ANK2: variants seen among roughly 807,000 people sequenced by gnomAD.
ANK2 encodes the protein ankyrin 2.
Under a neutral mutation model 360.5 loss-of-function variants are expected in ANK2, and 83 were observed. That is an observed-to-expected ratio of 0.23 (90% CI 0.19 to 0.28). The LOEUF (loss-of-function observed/expected upper bound fraction) is 0.28. ANK2 is among the 10% of genes least tolerant of loss of function. The pLI, the probability that ANK2 is intolerant of heterozygous loss-of-function variation, is 1.00. For missense variants in ANK2, 4,201 were observed against 4,795.7 expected, an observed-to-expected ratio of 0.88 and a Z score of 3.66; for synonymous variants, 1,740 against 1,759.5, an observed-to-expected ratio of 0.99 and a Z score of 0.28.
At chr4:113,032,079 C>A (rs566490868) in intron 2 of ANK2, among the ~76,000 whole-genome samples, 1 of 152,014 alleles carries the variant, frequency 6.6e-6, no homozygotes, top group East Asian at 1.9e-4. Flanking sequence ...TTGACAGGAA[C>A]GCTAATGCTA....
intron 43 of ANK2, chr4:113,372,643 A>G: frequency 6.7e-7 from 1 of 1,494,768 alleles, no homozygotes. Flanking sequence ...CTGTTAAATT[A>G]CTGCACGTCA....
chr4:112,749,233 A>G, the ANK2 span, among the ~76,000 whole-genome samples: 2 of 152,190 alleles, frequency 1.3e-5, no homozygotes, highest in East Asian at 1.9e-4. Flanking sequence ...TTGATCAAGC[A>G]TGCATCCTTC....
chr4:113,030,066 G>A (rs1055112277), intron 2 of ANK2, among the ~76,000 whole-genome samples: 5 of 151,968 alleles, frequency 3.3e-5, no homozygotes, highest in African/African-American at 1.2e-4. Context: ...AAAATCTTGT[G>A]TACTATGTGA....
chr4:113,330,351 G>A lies in ANK2; in HGVS notation c.3006G>A (p.Thr1002=), dbSNP rs181534986. The change falls in exon 27 of 46, where the codon ACG becomes ACA. Residue 1002 remains threonine, a synonymous_variant. Transcript: ENST00000357077. Reference sequence around the variant, plus strand: ...CACCTCGGAAATGTACTGCTCCAACGCGAGTCACCTGCCGACTGGTCAAGC... The same window carrying A: ...CACCTCGGAAATGTACTGCTCCAACACGAGTCACCTGCCGACTGGTCAAGC... ...IIPPRKCTAP[T]RVTCRLVKRH... The A allele has an allele frequency of 6.8e-6, 11 of 1,614,214 alleles. No homozygotes were observed. Among genetic ancestry groups the A allele is most frequent in the African/African-American group, 1.3e-5 (1 of 75,052 alleles).
chr4:113,165,190 A>T (rs977541990), intron 1 of ANK2, among the ~76,000 whole-genome samples: 3 of 152,162 alleles, frequency 2.0e-5, no homozygotes, highest in Admixed American at 1.3e-4. Context: ...GAAAATTGGG[A>T]AAGAGATTGG....
At chr4:113,049,942 C>T in intron 1 of ANK2, 130 bp downstream of exon 1, 1 of 1,211,812 alleles carries the variant, frequency 8.3e-7, no homozygotes, top group South Asian at 1.3e-5. Flanking sequence ...CAGTGCCAAG[C>T]CTTGCTTTTT....
At chr4:113,045,951 A>G (rs988143756), upstream of ANK2, among the ~76,000 whole-genome samples, 6 of 152,210 alleles carry the variant, frequency 3.9e-5, no homozygotes, top group Admixed American at 2.6e-4. Flanking sequence ...CTAGTCCCCT[A>G]TTATATGCCA....
At position 113,236,955 on chromosome 4, in the gene ANK2, T is replaced by C. The variant is rs184546893; in HGVS notation, c.484-32T>C. The C allele has an allele frequency of 2.9e-4, 459 of 1,609,362 alleles. 2 individuals carry two copies. Among genetic ancestry groups the C allele is most frequent in the Admixed American group, 6.8e-4 (41 of 60,020 alleles). The stretch of plus-strand genomic sequence containing the variant: ...CTAAATCTCTAGCATCTGAAGATGT[T>C]AACAGACAATTTTTACCTTCCATTT... On this transcript the variant is annotated intron_variant, in intron 5 of 45. Transcript: ENST00000357077.
chr4:113,198,869 C>T, intron 3 of ANK2, 142 bp from the exon 4 acceptor site: 1 of 690,644 alleles, frequency 1.4e-6, no homozygotes, highest in South Asian at 1.8e-5. Flanking sequence ...AAAATAATCT[C>T]TTCGTAAGTG....
At chr4:112,832,242 A>G (rs1188491062) in intron 1 of ANK2, among the ~76,000 whole-genome samples, 2 of 152,192 alleles carry the variant, frequency 1.3e-5, no homozygotes, top group East Asian at 1.9e-4. Flanking sequence ...TAGTAGAGAC[A>G]GGGTTTCACC....
At chr4:113,062,932 A>T (rs1048268310) in intron 1 of ANK2, among the ~76,000 whole-genome samples, 10 of 152,086 alleles carry the variant, frequency 6.6e-5, no homozygotes, top group African/African-American at 2.2e-4. Context: ...TATCATGATG[A>T]CAAGGAATTA....
chr4:113,250,762 C>CCG lies in ANK2; in HGVS notation c.990+901_990+902insGC, dbSNP rs980441965. On this transcript the variant is annotated intron_variant, in intron 10 of 45. Transcript: ENST00000357077. ...ATTCCACCTCATACCACCGCCCCCCCCCCCGACAGAGTTGGTATCAACTAA... is the reference window on the plus strand; with the variant it reads ...ATTCCACCTCATACCACCGCCCCCCCCGCCCCGACAGAGTTGGTATCAACTAA... Among the ~76,000 whole-genome samples the CCG allele has an allele frequency of 1.5e-4, 21 of 137,026 alleles. 3 individuals are homozygous for CCG. Among genetic ancestry groups the CCG allele is most frequent in the South Asian group, 5.6e-4 (2 of 3,602 alleles). The allele number at this position is 137,026 out of a possible 152,430, so 89.9% of individuals were successfully genotyped here.
chr4:113,363,583 C>T (rs2096362118), intron 40 of ANK2, 114 bp downstream of exon 40: 3 of 1,129,300 alleles, frequency 2.7e-6, no homozygotes, highest in Non-Finnish European at 4.0e-6. Flanking sequence ...ATCTGCAGTA[C>T]AGTGGGTCCT....
chr4:112,955,609 C>A (rs537893579), intron 2 of ANK2, among the ~76,000 whole-genome samples: 1 of 151,810 alleles, frequency 6.6e-6, no homozygotes, highest in Non-Finnish European at 1.5e-5. Flanking sequence ...AGTTTACACC[C>A]GGGTATTCAG....
In ANK2 at chr4:113,382,634, T is replaced by TTTTC. The variant is rs1003180023; in HGVS notation, c.*1175_*1178dup. 2 of 152,500 alleles carry TTTTC rather than the reference T, an allele frequency of 1.3e-5. No individual in the cohort carries two copies. The highest frequency in any genetic ancestry group is 4.1e-4 in the South Asian group (2 of 4,836). 9.4% of individuals were successfully genotyped at this position (152,500 alleles called of 1,614,324 possible). On this transcript the variant is annotated 3_prime_UTR_variant, in exon 46 of 46. Transcript: ENST00000357077. Reference sequence around the variant, plus strand: ...GTATGTTGGAGTGGTTTCTTTTTTTTTTTCTTTCTTTCTTTTTTTTCTTCA... The same window carrying TTTTC: ...GTATGTTGGAGTGGTTTCTTTTTTTTTTTCTTTCTTTCTTTCTTTTTTTTCTTCA...
chr4:112,911,158 C>T lies in ANK2; in HGVS notation c.21+6644C>T, dbSNP rs180849430. 6.3e-4 allele frequency among the ~76,000 whole-genome samples: 79 copies of T among 124,910 alleles called. 1 individual carries two copies. The East Asian group carries it at 0.016, about 26-fold the overall frequency. 81.9% of individuals were successfully genotyped at this position (124,910 alleles called of 152,430 possible). On this transcript the variant is annotated intron_variant, in intron 2 of 30. Coordinates refer to the ANK2 transcript ENST00000503271. ...TTTTTAGTAGAGACTTTAGTAGAGA[C>T]GGGGTTTCACCATGTTGGCCAAGAT...
chr4:113,305,083 G>A (rs2076590124), intron 23 of ANK2, among the ~76,000 whole-genome samples: 1 of 151,936 alleles, frequency 6.6e-6, no homozygotes, highest in Non-Finnish European at 1.5e-5. Flanking sequence ...GCTCACGCCT[G>A]TAATCCCAGC....
intron 34 of ANK2, among the ~76,000 whole-genome samples, chr4:113,344,341 C>A (rs970175744): frequency 4.6e-5 from 7 of 152,098 alleles, no homozygotes; most frequent in African/African-American, 1.7e-4. Flanking sequence ...GAAGAGATAC[C>A]ACTCCATACC....
Position 113,274,454 on chromosome 4 carries a change from G to C in ANK2, c.1488G>C (p.Glu496Asp), listed in dbSNP as rs1326538631. 1 of 1,614,078 alleles carries C rather than the reference G, an allele frequency of 6.2e-7. No individual in the cohort carries two copies. Among genetic ancestry groups the C allele is most frequent in the Non-Finnish European group, 8.5e-7 (1 of 1,180,028 alleles). ...NGALVDARAR[E>D]EQTPLHIASR... is the part of the protein sequence containing the mutation. ...TTTTTACTTGGCTTGAGTTGTAGGA[G>C]GAACAGACACCTTTACATATTGCCT... Residue 496 changes from glutamate to aspartate, a missense_variant and splice_region_variant, in exon 15 of 46, where the codon GAG becomes GAC. By Grantham distance (45) the Glu-to-Asp change is conservative (BLOSUM62 2). Coordinates refer to ENST00000357077, the MANE Select transcript of ANK2 (RefSeq NM_001148.6).
Sources: gnomAD v4.1 joint callset for allele counts (sites outside exome capture counted in the v4.1 genomes callset) on GRCh38, gnomAD v4.1.1 for gene constraint, MANE v1.5 for transcripts, NCBI Gene and HGNC (gene_info 2026-07-23, HGNC 2026-07-21) for gene names.